The following HERC1 variants were observed in gnomAD, a reference collection of about 807,000 sequenced individuals.
The protein encoded by HERC1 is HECT and RLD domain containing E3 ubiquitin protein ligase family member 1, also known as probable E3 ubiquitin-protein ligase HERC1.
HERC1 carries 160 observed loss-of-function variants against 554.3 expected under a neutral mutation model. The observed-to-expected ratio is 0.29, with a 90% CI of 0.25 to 0.33. The LOEUF is 0.33. Ranked by LOEUF, HERC1 falls within the 10% of genes least tolerant of loss-of-function variation. The probability of loss-of-function intolerance (pLI) is 1.00; values close to 1 mark genes in which losing one functional copy is unlikely to be tolerated. For synonymous variants in HERC1, 2,175 were observed against 2,131.7 expected (o/e 1.02, Z -0.56); for missense variants, 4,919 against 5,918.5 (o/e 0.83, Z 5.54).
intron 12 of HERC1, among the ~76,000 whole-genome samples, chr15:63,744,164 G>C (rs12913738): frequency 0.021 from 950 of 45,648 alleles, 4 homozygotes; most frequent in Non-Finnish European, 0.034. Flanking sequence ...GTGTGTGTGT[G>C]TCTCTCTCTC....
chr15:63,758,444 A>C lies in HERC1; in HGVS notation c.1027-75T>G, dbSNP rs2075502157. 2 of 992,588 alleles carry C rather than the reference A, an allele frequency of 2.0e-6. No individual in the cohort carries two copies. Among genetic ancestry groups the C allele is most frequent in the Non-Finnish European group, 2.9e-6 (2 of 682,846 alleles). 61.5% of individuals were successfully genotyped at this position (992,588 alleles called of 1,614,324 possible). On this transcript the variant is annotated intron_variant, in intron 3 of 77. Transcript: ENST00000443617. This position sits in a 1 kb window ranked among gnomAD's most constrained non-coding sequence, Gnocchi z 4.0. ...GGGCATTTTTTATACATATCCTCTGAAATTACTGTTGCCTTTCCTTCCAAC... is the reference window on the plus strand; with the variant it reads ...GGGCATTTTTTATACATATCCTCTGCAATTACTGTTGCCTTTCCTTCCAAC...
chr15:63,701,970 A>G (rs2153079734), intron 25 of HERC1, among the ~76,000 whole-genome samples: 1 of 152,350 alleles, frequency 6.6e-6, no homozygotes, highest in Non-Finnish European at 1.5e-5. Flanking sequence ...CACCTACTAT[A>G]TAAAGAAAAT....
At chr15:63,650,355 C>A (rs2069605883) in intron 53 of HERC1, among the ~76,000 whole-genome samples, 3 of 152,044 alleles carry the variant, frequency 2.0e-5, no homozygotes, top group Admixed American at 2.0e-4. Flanking sequence ...GCCTGAATGA[C>A]AGAGCAAGAC....
chr15:63,650,125 G>A (rs928138826), intron 53 of HERC1, among the ~76,000 whole-genome samples, 200 bp from the exon 54 acceptor site: 6 of 151,878 alleles, frequency 4.0e-5, no homozygotes, highest in African/African-American at 9.7e-5. Context: ...TTTTTCAGCC[G>A]GGCACAGTGG....
chr15:63,666,444 T>G lies in HERC1; in HGVS notation c.8235A>C (p.Ser2745=). 6.2e-7 allele frequency: 1 copy of G among 1,613,308 alleles called. No homozygotes were observed. The highest frequency in any genetic ancestry group is 8.5e-7 in the Non-Finnish European group (1 of 1,179,616). Residue 2745 remains serine, a synonymous_variant, in exon 41 of 78, where the codon TCA becomes TCC. Transcript: ENST00000443617. The part of the protein sequence containing the change: ...TALSDPSSRL[S]TSPPPPAIAV... The stretch of plus-strand genomic sequence containing the variant: ...CAATTGCTGGAGGAGGAGGAGAAGT[T>G]GAAAGTCTACTGCTTGGGTCTGACA...
intron 2 of HERC1, among the ~76,000 whole-genome samples, chr15:63,770,917 G>A (rs942885881): frequency 2.3e-4 from 35 of 152,272 alleles, no homozygotes; most frequent in East Asian, 1.5e-3. Context: ...GGCTGGGCAC[G>A]GTGGCTCACG....
In HERC1 at chr15:63,745,736, G is replaced by C. The variant is rs375915620; in HGVS notation, c.2520+1182C>G. On this transcript the variant is annotated intron_variant, in intron 12 of 77. Coordinates refer to ENST00000443617, the MANE Select transcript of HERC1 (RefSeq NM_003922.4). ...TACTGTAAGTGCTCACCTGATTTTT[G>C]GTTCTTATGAAGGTGGTTTTTTCTG... 2.1e-4 allele frequency among the ~76,000 whole-genome samples: 32 copies of C among 152,158 alleles called. No individual in the cohort carries two copies. The East Asian group carries it at 2.7e-3, about 13-fold the overall frequency.
At chr15:63,816,984 A>G (rs1458897579) in intron 1 of HERC1, among the ~76,000 whole-genome samples, 1 of 152,238 alleles carries the variant, frequency 6.6e-6, no homozygotes, top group Non-Finnish European at 1.5e-5. Flanking sequence ...AGGGAAAAAA[A>G]AATACAAACC....
Position 63,616,804 on chromosome 15 carries a change from C to A in HERC1, c.13689-122G>T, listed in dbSNP as rs962159788. ...TGTTCAATATGGCATCCATTAGCCA[C>A]ATAAGGCTAAAGTAATTAAATAAAA... On this transcript the variant is annotated intron_variant, in intron 74 of 77. Transcript: ENST00000443617. 30 of 840,772 alleles carry A rather than the reference C, an allele frequency of 3.6e-5. No homozygotes were observed. In the South Asian group the frequency reaches 4.9e-4, roughly 14 times the overall value. The allele number at this position is 840,772 out of a possible 1,614,324, so 52.1% of individuals were successfully genotyped here.
chr15:63,799,060 C>T (rs1399028042), intron 1 of HERC1, among the ~76,000 whole-genome samples: 1 of 152,172 alleles, frequency 6.6e-6, no homozygotes. Context: ...GTCATACTTG[C>T]ACATTTAATT....
rs779307922 is a variant in HERC1 at position 63,641,450 on chromosome 15, G to A, written c.11607+20C>T. On this transcript the variant is annotated intron_variant, in intron 60 of 77. Coordinates refer to ENST00000443617, the MANE Select transcript of HERC1 (RefSeq NM_003922.4). ...GCACCAGGTATCTGTGTATCTCTAGGAGTGAGTGTAATGAGTTACCTTTTC... is the reference window on the plus strand; with the variant it reads ...GCACCAGGTATCTGTGTATCTCTAGAAGTGAGTGTAATGAGTTACCTTTTC... 1 of 1,595,562 alleles carries A rather than the reference G, an allele frequency of 6.3e-7. No homozygotes were observed.
intron 7 of HERC1, among the ~76,000 whole-genome samples, chr15:63,754,079 C>T (rs1407718347): frequency 1.3e-5 from 2 of 151,742 alleles, no homozygotes; most frequent in African/African-American, 4.8e-5. Flanking sequence ...GGGGCTGAGG[C>T]AGGAGGATCG....
chr15:63,791,897 G>A (rs1233110118), intron 1 of HERC1, among the ~76,000 whole-genome samples: 1 of 152,120 alleles, frequency 6.6e-6, no homozygotes, highest in Non-Finnish European at 1.5e-5. Flanking sequence ...CTCCTATATT[G>A]ATGCCCCACA....
At chr15:63,671,783 T>G (rs1406523811) in intron 39 of HERC1, among the ~76,000 whole-genome samples, 12 of 152,156 alleles carry the variant, frequency 7.9e-5, no homozygotes, top group Non-Finnish European at 1.5e-4. Flanking sequence ...GTGAAAATCG[T>G]AATGCCTTCT....
At chr15:63,609,970 C>T (rs538254991) in intron 77 of HERC1, among the ~76,000 whole-genome samples, 1 of 152,142 alleles carries the variant, frequency 6.6e-6, no homozygotes, top group South Asian at 2.1e-4. Flanking sequence ...ACAATTGAGG[C>T]AAAGACTATG....
At chr15:63,715,644 G>A (rs2073513887) in intron 22 of HERC1, among the ~76,000 whole-genome samples, 1 of 152,140 alleles carries the variant, frequency 6.6e-6, no homozygotes, top group Non-Finnish European at 1.5e-5. Flanking sequence ...TCATGTTTTA[G>A]GGTACCGACT....
At chr15:63,757,262 C>CTTTTTTTTTTTT (rs56196711) in intron 4 of HERC1, among the ~76,000 whole-genome samples, 1 of 107,880 alleles carries the variant, frequency 9.3e-6, no homozygotes, top group African/African-American at 3.5e-5. Context: ...TTTTTATTTA[C>CTTTTTTTTTTTT]TTTTTTTTTT....
At chr15:63,811,608 G>C (rs1195660020) in intron 1 of HERC1, among the ~76,000 whole-genome samples, 2 of 151,906 alleles carry the variant, frequency 1.3e-5, no homozygotes, top group Non-Finnish European at 2.9e-5. Flanking sequence ...GGGAGATCGA[G>C]ACCATCCTGG....
Position 63,674,384 on chromosome 15 carries a change from G to C in HERC1, c.7804C>G (p.His2602Asp). ...AQAMIYKLVV[H>D]GLLEDQFGGK... ...CCAAACTGGTCTTCCAAAAGCCCAT[G>C]AACCACTAATTTATAGATCATGGCT... Residue 2602 changes from histidine to aspartate, a missense_variant, in exon 38 of 78, where the codon CAT becomes GAT. His to Asp is a moderately conservative substitution (Grantham distance 81). This residue lies in a region of HERC1 where 1,963 missense variants were observed against 2,228.6 expected (regional missense o/e 0.88). Coordinates refer to ENST00000443617, the MANE Select transcript of HERC1 (RefSeq NM_003922.4). 1 of 1,612,786 alleles carries C rather than the reference G, an allele frequency of 6.2e-7. No individual in the cohort carries two copies. The highest frequency in any genetic ancestry group is 8.5e-7 in the Non-Finnish European group (1 of 1,179,550).
Sources: allele counts gnomAD v4.1 joint callset (sites outside exome capture counted in the v4.1 genomes callset), GRCh38; gene constraint gnomAD v4.1.1; regional missense constraint gnomAD v4.1.1; non-coding constraint Gnocchi (gnomAD v3.1); transcripts MANE v1.5; gene names NCBI Gene and HGNC (gene_info 2026-07-23, HGNC 2026-07-21).